Variants in PTPRS observed in about 807,000 individuals in gnomAD.
PTPRS encodes receptor-type tyrosine-protein phosphatase S.
In PTPRS, 63 loss-of-function variants were observed where a neutral mutation model predicts 215.3. That is an observed-to-expected ratio of 0.29 (90% CI 0.24 to 0.36). PTPRS has a LOEUF of 0.36. Ranked by LOEUF, PTPRS falls within the 10% of genes least tolerant of loss-of-function variation. PTPRS has a pLI of 1.00. For synonymous variants in PTPRS, 1,404 were observed against 1,191.4 expected (o/e 1.18, Z -3.68); for missense variants, 2,258 against 2,825.8 (o/e 0.80, Z 4.56).
chr19:5,271,572 G>C (rs1190221072), intron 4 of PTPRS, among the ~76,000 whole-genome samples: 3 of 151,792 alleles, frequency 2.0e-5, no homozygotes, highest in Non-Finnish European at 4.4e-5. Flanking sequence ...GCTAATTTTT[G>C]TATTTTTAGT....
intron 4 of PTPRS, among the ~76,000 whole-genome samples, chr19:5,268,762 CAGTCA>C (rs1568525907): frequency 6.6e-6 from 1 of 152,208 alleles, no homozygotes; most frequent in East Asian, 1.9e-4. Flanking sequence ...GAGGCACAGG[CAGTCA>C]CACACTTGTC....
rs548296617 is a variant in PTPRS at position 5,212,582 on chromosome 19, G to A, written c.4615-91C>T. On this transcript the variant is annotated intron_variant, in intron 30 of 37. Transcript: ENST00000262963. The stretch of plus-strand genomic sequence containing the variant: ...CAAGTGGCCGGGTGTGGTGGCTCAT[G>A]CCTGTTATCCCAGCACTTTGGGAGG... 1.3e-4 allele frequency: 186 copies of A among 1,450,636 alleles called. 2 individuals carry two copies. In the South Asian group the frequency reaches 1.8e-3, roughly 14 times the overall value. 89.9% of individuals were successfully genotyped at this position (1,450,636 alleles called of 1,614,324 possible). A position where few individuals can be genotyped will look rare whatever the true frequency, so the allele number is the denominator to read the frequency against.
At chr19:5,207,700 T>C (rs1281289947) in intron 37 of PTPRS, among the ~76,000 whole-genome samples, 4 of 152,182 alleles carry the variant, frequency 2.6e-5, no homozygotes, top group African/African-American at 9.7e-5. Context: ...AGCCCATCTC[T>C]GTCCACTCCA....
At chr19:5,258,838 T>C (rs2045770062) in intron 7 of PTPRS, among the ~76,000 whole-genome samples, 1 of 152,196 alleles carries the variant, frequency 6.6e-6, no homozygotes, top group South Asian at 2.1e-4. Flanking sequence ...CTGAAACTGA[T>C]TGAAGAGAAG....
chr19:5,228,347 G>GAAAAAAAAAAAAAAAAAAAAAAAAAA (rs71170899), intron 16 of PTPRS, among the ~76,000 whole-genome samples: 27 of 105,878 alleles, frequency 2.6e-4, no homozygotes, highest in African/African-American at 1.1e-3. Flanking sequence ...TCCGTCTGGA[G>GAAAAAAAAAAAAAAAAAAAAAAAAAA]AAAAAAAAAA....
Position 5,211,953 on chromosome 19 carries a change from C to T in PTPRS, c.5055+12G>A. ...CCCACCCCGCCCACAGCAGCCTCCA[C>T]CCCGCTGGCACCTTGAACTCGAGTT... On this transcript the variant is annotated intron_variant, in intron 32 of 37. Coordinates refer to ENST00000262963, the MANE Select transcript of PTPRS (RefSeq NM_002850.4). The T allele has an allele frequency of 1.3e-6, 2 of 1,580,008 alleles. No individual in the cohort carries two copies. The highest frequency in any genetic ancestry group is 1.1e-5 in the South Asian group (1 of 88,118).
rs1448869520 is a variant in PTPRS, at chr19:5,210,645, C to T, written c.5361+34G>A. Reference sequence around the variant, plus strand: ...CAGCGCTGTCTGAGCCACAGTCTGGCCCTCGCCCTTCCCTGCTGTGGCCCC... The same window carrying T: ...CAGCGCTGTCTGAGCCACAGTCTGGTCCTCGCCCTTCCCTGCTGTGGCCCC... On this transcript the variant is annotated intron_variant, in intron 34 of 37. Coordinates refer to ENST00000262963, the MANE Select transcript of PTPRS (RefSeq NM_002850.4). This position sits in a 1 kb window ranked among gnomAD's most constrained non-coding sequence, Gnocchi z 4.5. The T allele has an allele frequency of 6.2e-7, 1 of 1,614,056 alleles. No individual in the cohort carries two copies. Among genetic ancestry groups the T allele is most frequent in the Admixed American group, 1.7e-5 (1 of 60,020 alleles).
At chr19:5,246,118 A>G in intron 9 of PTPRS, 73 bp from the exon 10 acceptor site, 2 of 875,076 alleles carry the variant, frequency 2.3e-6, no homozygotes, top group Non-Finnish European at 3.1e-6. Flanking sequence ...GGAGGGGAAG[A>G]CAGGATGCGG....
chr19:5,300,854 G>A (rs1252479479), intron 1 of PTPRS, among the ~76,000 whole-genome samples: 2 of 151,748 alleles, frequency 1.3e-5, no homozygotes, highest in East Asian at 1.9e-4. Context: ...ATATAGACAT[G>A]AAAGAGTGAA....
chr19:5,296,840 A>C (rs1413316329), intron 1 of PTPRS, among the ~76,000 whole-genome samples: 1 of 152,060 alleles, frequency 6.6e-6, no homozygotes, highest in African/African-American at 2.4e-5. Context: ...GGGTAGAGGA[A>C]GGCCCTGACT....
At chr19:5,224,707 G>T (rs1055868411) in intron 17 of PTPRS, among the ~76,000 whole-genome samples, 1 of 152,268 alleles carries the variant, frequency 6.6e-6, no homozygotes, top group South Asian at 2.1e-4. Flanking sequence ...ATGTCCCTGA[G>T]AGAGGAGGGA....
intron 1 of PTPRS, among the ~76,000 whole-genome samples, chr19:5,311,001 T>A (rs1239549249): frequency 6.6e-6 from 1 of 152,200 alleles, no homozygotes; most frequent in African/African-American, 2.4e-5. Flanking sequence ...TGCCTCAGCC[T>A]CCCGAGTAGC....
At chr19:5,255,155 C>A (rs1168553207) in intron 9 of PTPRS, among the ~76,000 whole-genome samples, 2 of 152,198 alleles carry the variant, frequency 1.3e-5, no homozygotes, top group African/African-American at 4.8e-5. Flanking sequence ...TCCAACATGG[C>A]TGCCTGGAGG....
intron 1 of PTPRS, among the ~76,000 whole-genome samples, chr19:5,301,946 A>G (rs1339940308): frequency 1.3e-5 from 2 of 151,838 alleles, no homozygotes; most frequent in Admixed American, 6.6e-5. Context: ...ACACCCAGCT[A>G]ATTTCTGTAT....
chr19:5,221,418 A>G (rs1003611061), intron 19 of PTPRS, among the ~76,000 whole-genome samples, 165 bp from the exon 20 acceptor site: 2 of 151,568 alleles, frequency 1.3e-5, no homozygotes, highest in Admixed American at 6.6e-5. Context: ...CTGAGTCCCC[A>G]ACTCTGACTG....
chr19:5,239,472 CAG>C (rs373965252), intron 12 of PTPRS, among the ~76,000 whole-genome samples: 6 of 150,276 alleles, frequency 4.0e-5, no homozygotes, highest in African/African-American at 7.4e-5. Context: ...GAGACAGAGA[CAG>C]AGAGAGATAC....
Position 5,225,722 on chromosome 19 carries a change from C to T in PTPRS, c.2494+5G>A. Reference sequence around the variant, plus strand: ...TGGTGGGTGGGAGGAGGGCGGGTTGCATACCTGCTCCCTTGGTCACAACCA... The same window carrying T: ...TGGTGGGTGGGAGGAGGGCGGGTTGTATACCTGCTCCCTTGGTCACAACCA... On this transcript the variant is annotated splice_donor_5th_base_variant and intron_variant, in intron 17 of 37. Coordinates refer to ENST00000262963, the MANE Select transcript of PTPRS (RefSeq NM_002850.4). 1 of 1,612,942 alleles carries T rather than the reference C, an allele frequency of 6.2e-7. No homozygotes were observed. Among genetic ancestry groups the T allele is most frequent in the Non-Finnish European group, 8.5e-7 (1 of 1,179,062 alleles).
intron 13 of PTPRS, among the ~76,000 whole-genome samples, chr19:5,236,029 A>G (rs1568442615): frequency 6.6e-6 from 1 of 152,154 alleles, no homozygotes; most frequent in African/African-American, 2.4e-5. Context: ...CATTTAATGC[A>G]TGCATTATCT....
At chr19:5,260,674 G>A (rs2045918445) in intron 7 of PTPRS, 131 bp downstream of exon 7, 6 of 1,219,346 alleles carry the variant, frequency 4.9e-6, no homozygotes, top group African/African-American at 1.5e-5. Context: ...GACTAACACT[G>A]GGTGGAACAA....
Sources: gnomAD v4.1 joint callset for allele counts (sites outside exome capture counted in the v4.1 genomes callset) on GRCh38, gnomAD v4.1.1 for gene constraint, Gnocchi (gnomAD v3.1) non-coding constraint, MANE v1.5 for transcripts, NCBI Gene and HGNC (gene_info 2026-07-23, HGNC 2026-07-21) for gene names.